The following PALLD variants were observed in gnomAD, a reference collection of about 807,000 sequenced individuals.
PALLD encodes the protein palladin, cytoskeletal associated protein.
A neutral mutation model predicts 123.5 loss-of-function variants in PALLD; 61 were observed. That is an observed-to-expected ratio of 0.49 (90% confidence interval 0.40 to 0.61). The LOEUF is 0.61. Among genes scored for constraint, PALLD ranks in the 20% least tolerant of loss-of-function variants. The pLI is 0.00. For synonymous variants in PALLD, 465 were observed against 496.4 expected, an observed-to-expected ratio of 0.94 and a Z score of 0.84; for missense variants, 1,273 against 1,377.0, an observed-to-expected ratio of 0.92 and a Z score of 1.20.
chr4:168,553,165 G>C (rs1012278540), intron 2 of PALLD, among the ~76,000 whole-genome samples: 36 of 152,078 alleles, frequency 2.4e-4, no homozygotes, highest in African/African-American at 8.4e-4. Flanking sequence ...CAGTAAGTGA[G>C]GAGTTTGGAT....
intron 10 of PALLD, among the ~76,000 whole-genome samples, chr4:168,827,059 C>A (rs1027029913): frequency 1.3e-5 from 2 of 152,166 alleles, no homozygotes; most frequent in African/African-American, 2.4e-5. Context: ...CAACTGCAGA[C>A]CTGGTTGTCA....
intron 10 of PALLD, among the ~76,000 whole-genome samples, chr4:168,848,731 C>G (rs754849306): frequency 5.9e-5 from 9 of 152,182 alleles, no homozygotes; most frequent in Non-Finnish European, 1.2e-4. Flanking sequence ...ATGTATTTCA[C>G]ACCAAATAAT....
intron 10 of PALLD, among the ~76,000 whole-genome samples, chr4:168,726,663 A>G (rs72984654): frequency 2.0e-5 from 3 of 152,010 alleles, no homozygotes; most frequent in Admixed American, 6.6e-5. Flanking sequence ...GATTATAGGC[A>G]TGAGCCACCA....
chr4:168,839,842 C>T (rs982474969), intron 10 of PALLD, among the ~76,000 whole-genome samples: 1 of 152,044 alleles, frequency 6.6e-6, no homozygotes, highest in African/African-American at 2.4e-5. Context: ...ATGAGTTTGC[C>T]CCCAAAGAGA....
intron 2 of PALLD, among the ~76,000 whole-genome samples, chr4:168,600,009 A>G (rs866894091): frequency 7.2e-6 from 1 of 139,314 alleles, no homozygotes; most frequent in Non-Finnish European, 1.6e-5. Flanking sequence ...ACACGTATAT[A>G]CATACATGTG....
In PALLD at chr4:168,538,024, G is replaced by C. The variant is rs151075498; in HGVS notation, c.908+25612G>C. Among the ~76,000 whole-genome samples the C allele has an allele frequency of 3.3e-5, 5 of 152,226 alleles. No individual in the cohort carries two copies. The South Asian group carries it at 1.0e-3, about 32-fold the overall frequency. On this transcript the variant is annotated intron_variant, in intron 2 of 21. Transcript: ENST00000505667. ...TTCTGTGACATATTTTATATTCTTGGATCTTTTCCCTGTTTTAACACACAA... is the reference window on the plus strand; with the variant it reads ...TTCTGTGACATATTTTATATTCTTGCATCTTTTCCCTGTTTTAACACACAA...
intron 10 of PALLD, among the ~76,000 whole-genome samples, chr4:168,740,004 A>G (rs1788171066): frequency 6.6e-6 from 1 of 152,234 alleles, no homozygotes; most frequent in African/African-American, 2.4e-5. Context: ...GGATGCTTAT[A>G]TAAACAACAG....
At chr4:168,571,129 A>G (rs1349953822) in intron 2 of PALLD, among the ~76,000 whole-genome samples, 1 of 152,148 alleles carries the variant, frequency 6.6e-6, no homozygotes, top group Non-Finnish European at 1.5e-5. Flanking sequence ...TTTTCTTTGC[A>G]TTTCATCCTA....
chr4:168,797,402 C>T (rs938639619), intron 10 of PALLD, among the ~76,000 whole-genome samples: 18 of 152,114 alleles, frequency 1.2e-4, no homozygotes, highest in African/African-American at 4.3e-4. Context: ...CAGAACTACT[C>T]ATCTGTCTGT....
At chr4:168,852,232 G>C (rs2062589) in intron 10 of PALLD, among the ~76,000 whole-genome samples, 98,408 of 152,070 alleles carry the variant, frequency 0.65, 36,520 homozygotes, top group East Asian at 0.96. Flanking sequence ...GCAATACAAA[G>C]CACCCTGCCT....
chr4:168,861,896 T>A (rs2151032482), intron 10 of PALLD, among the ~76,000 whole-genome samples: 1 of 152,138 alleles, frequency 6.6e-6, no homozygotes, highest in African/African-American at 2.4e-5. Flanking sequence ...ACTCAAGTGA[T>A]CCTCCCCCTT....
At chr4:168,744,225 C>T (rs1421186145) in intron 10 of PALLD, among the ~76,000 whole-genome samples, 3 of 152,076 alleles carry the variant, frequency 2.0e-5, no homozygotes, top group Admixed American at 6.6e-5. Context: ...GAGAATCGTG[C>T]GTGTCCAGGA....
intron 10 of PALLD, among the ~76,000 whole-genome samples, chr4:168,780,840 AC>A (rs35630650): frequency 0.31 from 47,616 of 151,850 alleles, 8,392 homozygotes; most frequent in Non-Finnish European, 0.41. Context: ...GGCACCTGCC[AC>A]CACACCTGGC....
Position 168,836,223 on chromosome 4 carries a change from C to T in PALLD, c.1965-54699C>T, listed in dbSNP as rs76684284. ...GTGCCGAGTCTCCCTGCTCAATGCG[C>T]GTTAGCCCAACTGCCAAAGCTCTGC... On this transcript the variant is annotated intron_variant, in intron 10 of 21. Coordinates refer to ENST00000505667, the MANE Select transcript of PALLD (RefSeq NM_001166108.2). 2.2e-3 allele frequency among the ~76,000 whole-genome samples: 339 copies of T among 152,264 alleles called. 1 individual carries two copies. The highest frequency in any genetic ancestry group is 0.02 in the Middle Eastern group (6 of 294).
intron 10 of PALLD, among the ~76,000 whole-genome samples, chr4:168,733,926 G>A (rs764327400): frequency 2.9e-4 from 44 of 151,948 alleles, no homozygotes; most frequent in Non-Finnish European, 4.4e-4. Flanking sequence ...TAGTAGAGAC[G>A]GGGTTTCACC....
At chr4:168,838,115 T>C (rs1166131318) in intron 10 of PALLD, among the ~76,000 whole-genome samples, 1 of 152,172 alleles carries the variant, frequency 6.6e-6, no homozygotes, top group Non-Finnish European at 1.5e-5. Flanking sequence ...AAATGTTGAG[T>C]ACATGTCACC....
chr4:168,876,722 G>C (rs1378464046), intron 10 of PALLD, among the ~76,000 whole-genome samples: 1 of 152,204 alleles, frequency 6.6e-6, no homozygotes, highest in Non-Finnish European at 1.5e-5. Flanking sequence ...CTATGGATAA[G>C]AAAGTTTTGG....
At chr4:168,812,088 C>T (rs1484313920) in intron 10 of PALLD, among the ~76,000 whole-genome samples, 1 of 152,116 alleles carries the variant, frequency 6.6e-6, no homozygotes, top group Non-Finnish European at 1.5e-5. Flanking sequence ...AAGAAGAGAA[C>T]ATGAGGTGAG....
chr4:168,694,488 C>T (rs1782952237), intron 8 of PALLD, among the ~76,000 whole-genome samples: 1 of 151,964 alleles, frequency 6.6e-6, no homozygotes, highest in South Asian at 2.1e-4. Context: ...GCCTCTCTTC[C>T]TCTTTCTCCA....
Sources: allele counts gnomAD v4.1 joint callset (sites outside exome capture counted in the v4.1 genomes callset), GRCh38; gene constraint gnomAD v4.1.1; transcripts MANE v1.5; gene names NCBI Gene and HGNC (gene_info 2026-07-23, HGNC 2026-07-21).